The following EPHA5 variants were observed in gnomAD, a reference collection of about 807,000 sequenced individuals.
EPHA5 encodes the protein EPH receptor A5.
EPHA5 carries 60 observed loss-of-function variants against 105.0 expected under a neutral mutation model. The ratio of observed to expected loss-of-function variants is 0.57; its 90% CI spans 0.46 to 0.71. The LOEUF (loss-of-function observed/expected upper bound fraction) is 0.71. Among genes scored for constraint, EPHA5 ranks in the 30% least tolerant of loss-of-function variants. EPHA5 has a pLI of 0.00. For missense variants in EPHA5, 1,218 were observed against 1,274.7 expected (o/e 0.96, Z 0.68); for synonymous variants, 513 against 449.1 (o/e 1.14, Z -1.80).
At chr4:65,592,755 A>G (rs78520549) in intron 3 of EPHA5, among the ~76,000 whole-genome samples, 1,945 of 152,270 alleles carry the variant, frequency 0.013, 44 homozygotes, top group African/African-American at 0.044. Flanking sequence ...ACAATCAACT[A>G]AGAAACATTT....
rs760166197 is a variant in EPHA5, at chr4:65,612,039, A to AG, written c.247-9736dup. ...CTCAAAAAAAAAAAAAAAAAAAAAAAGGAAAGAAAAGAAAAGAAAAGAAAA... is the reference window on the plus strand; with the variant it reads ...CTCAAAAAAAAAAAAAAAAAAAAAAAGGGAAAGAAAAGAAAAGAAAAGAAAA... On this transcript the variant is annotated intron_variant, in intron 2 of 16. Coordinates refer to ENST00000613740, the MANE Select transcript of EPHA5 (RefSeq NM_001281766.3). Among the ~76,000 whole-genome samples the AG allele has an allele frequency of 6.9e-5, 6 of 86,680 alleles. 1 individual carries two copies. The highest frequency in any genetic ancestry group is 2.2e-4 in the African/African-American group (6 of 26,906). The allele number at this position is 86,680 out of a possible 152,430, so 56.9% of individuals were successfully genotyped here. A position where few individuals can be genotyped will look rare whatever the true frequency, so the allele number is the denominator to read the frequency against.
chr4:65,554,058 G>A (rs751969747), intron 3 of EPHA5, among the ~76,000 whole-genome samples: 5 of 150,916 alleles, frequency 3.3e-5, no homozygotes, highest in East Asian at 3.9e-4. Context: ...AAATTACTAC[G>A]TATCTACAAA....
At chr4:65,556,917 A>G (rs1010731711) in intron 3 of EPHA5, among the ~76,000 whole-genome samples, 2 of 151,986 alleles carry the variant, frequency 1.3e-5, no homozygotes, top group African/African-American at 2.4e-5. Flanking sequence ...TTCTAAATTC[A>G]CGGAATGTTG....
At chr4:65,669,319 C>A in intron 1 of EPHA5, 1 of 898,992 alleles carries the variant, frequency 1.1e-6, no homozygotes, top group Non-Finnish European at 1.3e-6. Flanking sequence ...CCCAGCCCCC[C>A]AACCAGCCTC....
intron 1 of EPHA5, among the ~76,000 whole-genome samples, chr4:65,650,559 C>CAAAAAAAAAAAAAAAAAAA (rs59357895): frequency 3.2e-4 from 38 of 116,954 alleles, no homozygotes; most frequent in African/African-American, 9.9e-4. Flanking sequence ...GACTCAGTCT[C>CAAAAAAAAAAAAAAAAAAA]AAAAAAAAAA....
intron 2 of EPHA5, among the ~76,000 whole-genome samples, chr4:65,624,806 T>C (rs996814937): frequency 6.6e-6 from 1 of 152,150 alleles, no homozygotes; most frequent in African/African-American, 2.4e-5. Context: ...ACTTTCCAGC[T>C]CTATGACTGT....
intron 3 of EPHA5, among the ~76,000 whole-genome samples, chr4:65,566,206 T>A (rs1739514605): frequency 6.6e-6 from 1 of 151,726 alleles, no homozygotes; most frequent in South Asian, 2.1e-4. Context: ...AGCAATTCCA[T>A]TCATGCAACA....
At chr4:65,397,989 A>G (rs1277758592) in intron 8 of EPHA5, among the ~76,000 whole-genome samples, 2 of 152,170 alleles carry the variant, frequency 1.3e-5, no homozygotes, top group African/African-American at 2.4e-5. Flanking sequence ...TGTGTGCTCC[A>G]TGAAATGAGC....
intron 3 of EPHA5, among the ~76,000 whole-genome samples, chr4:65,523,635 C>T (rs533720070): frequency 1.3e-5 from 2 of 151,938 alleles, no homozygotes; most frequent in Non-Finnish European, 2.9e-5. Context: ...TTTATAGAAT[C>T]TCTCACATAT....
chr4:65,553,236 A>G (rs1341330650), intron 3 of EPHA5, among the ~76,000 whole-genome samples: 2 of 152,114 alleles, frequency 1.3e-5, no homozygotes, highest in Non-Finnish European at 2.9e-5. Flanking sequence ...AATTGCATCT[A>G]CTATGTGAAT....
intron 3 of EPHA5, among the ~76,000 whole-genome samples, chr4:65,534,514 G>A (rs115269433): frequency 2.0e-5 from 3 of 152,144 alleles, no homozygotes; most frequent in African/African-American, 7.2e-5. Flanking sequence ...ACTTATAAAA[G>A]AAAAAATGAA....
At chr4:65,341,010 T>A (rs558310847) in intron 14 of EPHA5, among the ~76,000 whole-genome samples, 2 of 152,072 alleles carry the variant, frequency 1.3e-5, no homozygotes, top group Non-Finnish European at 2.9e-5. Flanking sequence ...CTACTGTACC[T>A]AGGGACATAC....
intron 2 of EPHA5, among the ~76,000 whole-genome samples, chr4:65,626,525 C>T (rs1357792911): frequency 6.6e-6 from 1 of 152,166 alleles, no homozygotes; most frequent in Admixed American, 6.5e-5. Flanking sequence ...ATAATATAAT[C>T]TCCAGTTGCA....
intron 3 of EPHA5, among the ~76,000 whole-genome samples, chr4:65,544,254 C>A (rs1240796558): frequency 6.6e-6 from 1 of 151,996 alleles, no homozygotes; most frequent in Non-Finnish European, 1.5e-5. Context: ...AGAGCTTCTG[C>A]ACAGCAAAAG....
At chr4:65,461,135 C>A (rs1176824256) in intron 5 of EPHA5, among the ~76,000 whole-genome samples, 5 of 151,838 alleles carry the variant, frequency 3.3e-5, no homozygotes, top group Non-Finnish European at 7.4e-5. Context: ...CACCTAACAA[C>A]AAATCAGCAA....
intron 8 of EPHA5, among the ~76,000 whole-genome samples, chr4:65,370,189 A>G (rs1718319758): frequency 6.6e-6 from 1 of 152,150 alleles, no homozygotes. Flanking sequence ...GACATCTTAA[A>G]TCACCTCACC....
chr4:65,459,512 A>C (rs189708301), intron 5 of EPHA5, among the ~76,000 whole-genome samples: 130 of 151,956 alleles, frequency 8.6e-4, no homozygotes, highest in Non-Finnish European at 9.4e-4. Flanking sequence ...AGTTGAATAA[A>C]AGGCTATCCC....
chr4:65,551,370 T>G (rs1431800965), intron 3 of EPHA5, among the ~76,000 whole-genome samples: 1 of 151,660 alleles, frequency 6.6e-6, no homozygotes, highest in Non-Finnish European at 1.5e-5. Flanking sequence ...GTTTTCATAA[T>G]TACCCTAAGG....
chr4:65,560,591 G>C (rs1372336595), intron 3 of EPHA5, among the ~76,000 whole-genome samples: 1 of 152,066 alleles, frequency 6.6e-6, no homozygotes. Flanking sequence ...CTCTAGGAGA[G>C]ATAGGGGAAG....
Sources: allele counts gnomAD v4.1 joint callset (sites outside exome capture counted in the v4.1 genomes callset), GRCh38; gene constraint gnomAD v4.1.1; transcripts MANE v1.5; gene names NCBI Gene and HGNC (gene_info 2026-07-23, HGNC 2026-07-21).